The following CCDC120 variants were observed in gnomAD, a reference collection of about 807,000 sequenced individuals.
CCDC120 encodes the protein coiled-coil domain containing 120.
A neutral mutation model predicts 37.6 loss-of-function variants in CCDC120; 16 were observed. The ratio of observed to expected loss-of-function variants is 0.43; its 90% CI spans 0.29 to 0.65. The LOEUF (loss-of-function observed/expected upper bound fraction) is 0.65, where lower values mean the gene tolerates loss of function less well. CCDC120 is among the 30% of genes least tolerant of loss of function. The pLI is 0.18. For synonymous variants in CCDC120, 309 were observed against 275.4 expected (o/e 1.12, Z -1.21); for missense variants, 650 against 657.4 (o/e 0.99, Z 0.12).
rs150003000 is a variant in CCDC120 at position 49,067,724 on chromosome X, G to A, written c.1610G>A (p.Arg537His). ...YAADSNSPLL[R>H]TKDPHTRATR... ...GCTGACAGCAACAGCCCCCTCCTCC[G>A]CACCAAGGACCCCCACACCCGTGCC... The change falls in exon 10 of 11, where the codon CGC (arginine) becomes CAC (histidine). Residue 537 changes from arginine to histidine, a missense_variant. Around this residue, in one of 3 missense-constraint regions of CCDC120, gnomAD observed 576 missense variants for 565.3 expected, o/e 1.02. Transcript: ENST00000603986. 4.1e-5 allele frequency: 49 copies of A among 1,192,660 alleles called. No homozygotes were observed. The African/African-American group carries it at 6.7e-4, about 16-fold the overall frequency.
rs782040797 is a variant in CCDC120 at position 49,064,472 on chromosome X, C to T, written c.532C>T (p.Arg178Cys). ...GGCCCCTGATCTGAGCACCGAGCAG[C>T]GCCGGCGCCGGCGCCAGGTCCAGGC... is the stretch of plus-strand genomic sequence containing the variant. ...ALAPDLSTEQ[R>C]RRRRQVQADA... Residue 178 changes from arginine to cysteine, a missense_variant, in exon 6 of 11, where the codon CGC becomes TGC. Physicochemically the swap from Arg to Cys is radical, Grantham distance 180 (BLOSUM62 -3). Around this residue, in one of 3 missense-constraint regions of CCDC120, gnomAD observed 576 missense variants for 565.3 expected, o/e 1.02. Coordinates refer to ENST00000603986, the MANE Select transcript of CCDC120 (RefSeq NM_001163321.4). 16 of 1,179,255 alleles carry T rather than the reference C, an allele frequency of 1.4e-5. 1 individual carries two copies. The highest frequency in any genetic ancestry group is 9.3e-5 in the South Asian group (5 of 53,490).
chrX:49,065,147 A>G lies in CCDC120; in HGVS notation c.787+49A>G. ...CTGCCCCCGACTCCTACGTCCCTTT[A>G]GCCCATCCCCTTTATTCATCCGACC... is the stretch of plus-strand genomic sequence containing the variant. On this transcript the variant is annotated intron_variant, in intron 7 of 10. Coordinates refer to ENST00000603986, the MANE Select transcript of CCDC120 (RefSeq NM_001163321.4). 5.3e-6 allele frequency: 6 copies of G among 1,126,177 alleles called. No homozygotes were observed. The South Asian group carries it at 1.1e-4, about 21-fold the overall frequency. 92.8% of individuals were successfully genotyped at this position (1,126,177 alleles called of 1,213,427 possible). A position where few individuals can be genotyped will look rare whatever the true frequency, so the allele number is the denominator to read the frequency against.
In CCDC120 at chrX:49,064,479, G is replaced by A. The variant is rs781929013; in HGVS notation, c.539G>A (p.Arg180His). 2.0e-5 allele frequency: 24 copies of A among 1,181,018 alleles called. No individual in the cohort carries two copies. Among genetic ancestry groups the A allele is most frequent in the Admixed American group, 1.2e-4 (5 of 41,588 alleles). Residue 180 changes from arginine (R) to histidine (H), a missense_variant, in exon 6 of 11, where the codon CGC (arginine) becomes CAC (histidine). Around this residue, in one of 3 missense-constraint regions of CCDC120, gnomAD observed 576 missense variants for 565.3 expected, o/e 1.02. Transcript: ENST00000603986. Reference protein sequence around the residue: ...APDLSTEQRRRRRQVQADALR... With the variant: ...APDLSTEQRRHRRQVQADALR... ...GATCTGAGCACCGAGCAGCGCCGGCGCCGGCGCCAGGTCCAGGCAGATGCA... is the reference window on the plus strand; with the variant it reads ...GATCTGAGCACCGAGCAGCGCCGGCACCGGCGCCAGGTCCAGGCAGATGCA...
intron 5 of CCDC120, among the ~76,000 whole-genome samples, 170 bp downstream of exon 5, chrX:49,064,171 C>T (rs1189257583): frequency 2.7e-5 from 3 of 111,355 alleles, no homozygotes; most frequent in Admixed American, 1.9e-4. Context: ...GGATGCTGGT[C>T]CCTAACTGTC....
At position 49,059,323 on chromosome X, in the gene CCDC120, G is replaced by A. The variant is rs1362055312; in HGVS notation, c.-84+228G>A. 1.7e-5 allele frequency: 13 copies of A among 752,557 alleles called. No individual in the cohort carries two copies. The East Asian group carries it at 1.5e-3, about 88-fold the overall frequency. 62.0% of individuals were successfully genotyped at this position (752,557 alleles called of 1,213,427 possible). ...CAATTTCCTTTCCTGGCACCAAGCC[G>A]ATTCCCGGCCGGAAATGGACGAGGA... On this transcript the variant is annotated intron_variant, in intron 1 of 10. Coordinates refer to ENST00000603986, the MANE Select transcript of CCDC120 (RefSeq NM_001163321.4).
intron 4 of CCDC120, 139 bp downstream of exon 4, chrX:49,062,740 T>C: frequency 1.5e-6 from 1 of 653,495 alleles, no homozygotes; most frequent in Non-Finnish European, 2.3e-6. Context: ...TACTTTCTCC[T>C]CAAAGCTCAG....
chrX:49,065,819 C>G lies in CCDC120; in HGVS notation c.1035C>G (p.Thr345=). The G allele has an allele frequency of 8.6e-7, 1 of 1,168,201 alleles. No homozygotes were observed. Among genetic ancestry groups the G allele is most frequent in the Non-Finnish European group, 1.1e-6 (1 of 873,412 alleles). ...GRSVPATPVL[T]RGAGPQLCKP... Reference sequence around the variant, plus strand: ...GTGTGCCTGCCACCCCTGTCCTCACCCGGGGCGCTGGCCCCCAGCTCTGCA... The same window carrying G: ...GTGTGCCTGCCACCCCTGTCCTCACGCGGGGCGCTGGCCCCCAGCTCTGCA... Residue 345 remains threonine (T), a synonymous_variant, in exon 9 of 11, where the codon ACC becomes ACG. Transcript: ENST00000603986.
At chrX:49,058,690 A>T (rs927596262), upstream of CCDC120, among the ~76,000 whole-genome samples, 1 of 112,542 alleles carries the variant, frequency 8.9e-6, no homozygotes, top group Non-Finnish European at 1.9e-5. Flanking sequence ...GGCCAGTTTT[A>T]AAAAAAATTT....
rs782039361 is a variant in CCDC120, at chrX:49,062,479, G to A, written c.166G>A (p.Gly56Arg). ...PTFNAPAALFGEAAPQVKSER... is the reference protein window; with the variant it reads ...PTFNAPAALFREAAPQVKSER... ...CCCTCTGTGTCCAGCTGCCCTGTTC[G>A]GAGAGGCTGCCCCCCAGGTGAAGTC... Residue 56 changes from glycine to arginine, a missense_variant, in exon 4 of 11, where the codon GGA (glycine) becomes AGA (arginine). This residue lies in a region of CCDC120 where 64 missense variants were observed against 65.2 expected (regional missense o/e 0.98). Coordinates refer to ENST00000603986, the MANE Select transcript of CCDC120 (RefSeq NM_001163321.4). The A allele has an allele frequency of 5.0e-6, 6 of 1,212,102 alleles. No homozygotes were observed. Among genetic ancestry groups the A allele is most frequent in the East Asian group, 3.0e-5 (1 of 33,848 alleles).
rs782098187 is a variant in CCDC120 at position 49,067,483 on chromosome X, C to T, written c.1369C>T (p.Arg457Trp). The change falls in exon 10 of 11, where the codon CGG becomes TGG. Residue 457 changes from arginine (R) to tryptophan (W), a missense_variant. This residue lies in a region of CCDC120 where 576 missense variants were observed against 565.3 expected (regional missense o/e 1.02). Coordinates refer to ENST00000603986, the MANE Select transcript of CCDC120 (RefSeq NM_001163321.4). The part of the protein sequence containing the change: ...AGPPDPPRAA[R>W]PSSAAPASRG... Reference sequence around the variant, plus strand: ...CCCCCCAGACCCTCCCCGGGCCGCCCGGCCTAGCTCAGCTGCCCCTGCCTC... The same window carrying T: ...CCCCCCAGACCCTCCCCGGGCCGCCTGGCCTAGCTCAGCTGCCCCTGCCTC... The T allele has an allele frequency of 1.2e-5, 14 of 1,168,608 alleles. No individual in the cohort carries two copies. Among genetic ancestry groups the T allele is most frequent in the Admixed American group, 2.4e-5 (1 of 41,445 alleles).
rs1557081999 is a variant in CCDC120 at position 49,067,898 on chromosome X, G to A, written c.1784G>A (p.Arg595Gln). ...AAGAACCTGGCTCTGGAGGGGCTGC[G>A]GGACTGGTACATCCGGAACTCGGGA... is the stretch of plus-strand genomic sequence containing the variant. ...GHKNLALEGLRDWYIRNSGLA... is the reference protein window; with the variant it reads ...GHKNLALEGLQDWYIRNSGLA... Residue 595 changes from arginine (R) to glutamine (Q), a missense_variant, in exon 10 of 11, where the codon CGG becomes CAG. Physicochemically the swap from Arg to Gln is conservative, Grantham distance 43. Around this residue, in one of 3 missense-constraint regions of CCDC120, gnomAD observed 576 missense variants for 565.3 expected, o/e 1.02. Coordinates refer to ENST00000603986, the MANE Select transcript of CCDC120 (RefSeq NM_001163321.4). The A allele has an allele frequency of 2.6e-5, 30 of 1,163,496 alleles. No homozygotes were observed. The highest frequency in any genetic ancestry group is 3.3e-5 in the Non-Finnish European group (29 of 869,954).
At chrX:49,058,077 C>T (rs782735466), upstream of CCDC120, among the ~76,000 whole-genome samples, 3 of 111,365 alleles carry the variant, frequency 2.7e-5, no homozygotes, top group Admixed American at 9.5e-5. Flanking sequence ...ACCCAGCCCC[C>T]GGAAATTCTG....
At position 49,067,975 on chromosome X, in the gene CCDC120, C is replaced by T. The variant is rs2064980523; in HGVS notation, c.1861C>T (p.His621Tyr). 2 of 1,158,694 alleles carry T rather than the reference C, an allele frequency of 1.7e-6. No homozygotes were observed. Among genetic ancestry groups the T allele is most frequent in the African/African-American group, 1.8e-5 (1 of 56,413 alleles). Residue 621 changes from histidine to tyrosine, a missense_variant, in exon 10 of 11, where the codon CAC (histidine) becomes TAC (tyrosine). Transcript: ENST00000603986. Reference protein sequence around the residue: ...RPVLPSVGPPHPPFLHARCYE... With the variant: ...RPVLPSVGPPYPPFLHARCYE... ...TGTGCTCCCTTCCGTGGGCCCGCCA[C>T]ACCCACCCTTCCTCCATGCCCGCTG...
At position 49,065,779 on chromosome X, in the gene CCDC120, G is replaced by T; in HGVS notation, c.995G>T (p.Ser332Ile). The change falls in exon 9 of 11, where the codon AGT becomes ATT. Residue 332 changes from serine to isoleucine, a missense_variant. By Grantham distance (142) the Ser-to-Ile change is moderately radical (BLOSUM62 -2). This residue lies in a region of CCDC120 where 576 missense variants were observed against 565.3 expected (regional missense o/e 1.02). Transcript: ENST00000603986. ...PTRSLPRSASSFEGRSVPATP... is the reference protein window; with the variant it reads ...PTRSLPRSASIFEGRSVPATP... The stretch of plus-strand genomic sequence containing the variant: ...CGCTCGCTGCCCAGGAGTGCCTCCA[G>T]TTTTGAGGGGCGAAGTGTGCCTGCC... 1 of 1,172,284 alleles carries T rather than the reference G, an allele frequency of 8.5e-7. No individual in the cohort carries two copies. The highest frequency in any genetic ancestry group is 1.1e-6 in the Non-Finnish European group (1 of 875,344).
At chrX:49,062,730 T>C (rs2064901050) in intron 4 of CCDC120, 129 bp downstream of exon 4, 1 of 683,373 alleles carries the variant, frequency 1.5e-6, no homozygotes, top group Non-Finnish European at 2.1e-6. Flanking sequence ...CCCTGTCACC[T>C]ACTTTCTCCT....
chrX:49,064,421 G>C lies in CCDC120; in HGVS notation c.481G>C (p.Ala161Pro). 1 of 1,176,441 alleles carries C rather than the reference G, an allele frequency of 8.5e-7. No homozygotes were observed. The highest frequency in any genetic ancestry group is 1.1e-6 in the Non-Finnish European group (1 of 879,038). ...CGAGGTGTCAGTGCAACAGCAGATCGCGGCGGCCGCCCGCCGCCTGGCCTT... is the reference window on the plus strand; with the variant it reads ...CGAGGTGTCAGTGCAACAGCAGATCCCGGCGGCCGCCCGCCGCCTGGCCTT... Reference protein sequence around the residue: ...EREVSVQQQIAAAARRLALAP... With the variant: ...EREVSVQQQIPAAARRLALAP... Residue 161 changes from alanine to proline, a missense_variant, in exon 6 of 11, where the codon GCG becomes CCG. By Grantham distance (27) the Ala-to-Pro change is conservative. Around this residue, in one of 3 missense-constraint regions of CCDC120, gnomAD observed 576 missense variants for 565.3 expected, o/e 1.02. Transcript: ENST00000603986.
At chrX:49,065,403 C>A (rs374756290) in intron 7 of CCDC120, 51 bp from the exon 8 acceptor site, 9 of 1,124,492 alleles carry the variant, frequency 8.0e-6, no homozygotes, top group African/African-American at 3.7e-5. Flanking sequence ...TGTCCTGCCC[C>A]CTCTGGGCCC....
rs782349834 is a variant in CCDC120 at position 49,067,279 on chromosome X, C to T, written c.1165C>T (p.Arg389Cys). The T allele has an allele frequency of 1.1e-5, 13 of 1,205,350 alleles. No individual in the cohort carries two copies. Among genetic ancestry groups the T allele is most frequent in the Admixed American group, 6.5e-5 (3 of 45,831 alleles). Residue 389 changes from arginine (R) to cysteine (C), a missense_variant, in exon 10 of 11, where the codon CGC (arginine) becomes TGC (cysteine). Coordinates refer to ENST00000603986, the MANE Select transcript of CCDC120 (RefSeq NM_001163321.4). ...ASDRASLFVA[R>C]TRRSNSSEAL... ...CGATCGCGCCTCCCTCTTCGTAGCT[C>T]GCACCCGCCGCAGCAACAGTTCTGA...
chrX:49,065,018 T>TC lies in CCDC120; in HGVS notation c.725-13dup, dbSNP rs781921690. ...GGCCTGGGAGTGAGAGGCCCACTTC[T>TC]CCCCCTCTCACCTGTAGAGGACGTA... On this transcript the variant is annotated splice_polypyrimidine_tract_variant and intron_variant, in intron 6 of 10. Coordinates refer to ENST00000603986, the MANE Select transcript of CCDC120 (RefSeq NM_001163321.4). The TC allele has an allele frequency of 2.2e-5, 27 of 1,205,666 alleles. No individual in the cohort carries two copies. The highest frequency in any genetic ancestry group is 2.5e-5 in the Non-Finnish European group (22 of 892,317).
Sources: allele counts gnomAD v4.1 joint callset (sites outside exome capture counted in the v4.1 genomes callset), GRCh38; gene constraint gnomAD v4.1.1; regional missense constraint gnomAD v4.1.1; transcripts MANE v1.5; gene names NCBI Gene and HGNC (gene_info 2026-07-23, HGNC 2026-07-21).